The following FRAS1 variants were observed in gnomAD, a reference collection of about 807,000 sequenced individuals.
FRAS1 encodes Fraser extracellular matrix complex subunit 1, also known as extracellular matrix organizing protein FRAS1.
Under a neutral mutation model 435.2 loss-of-function variants are expected in FRAS1, and 290 were observed. The ratio of observed to expected loss-of-function variants is 0.67; its 90% CI spans 0.61 to 0.73. The LOEUF (loss-of-function observed/expected upper bound fraction) is 0.73. FRAS1 is among the 30% of genes least tolerant of loss of function. The pLI, the probability that FRAS1 is intolerant of heterozygous loss-of-function variation, is 0.00. For synonymous variants in FRAS1, 1,800 were observed against 1,851.0 expected (o/e 0.97, Z 0.71); for missense variants, 4,860 against 5,001.5 (o/e 0.97, Z 0.85).
chr4:78,245,436 G>T, intron 4 of FRAS1, 111 bp downstream of exon 4: 2 of 767,582 alleles, frequency 2.6e-6, no homozygotes. Flanking sequence ...CTGGATTGTG[G>T]AGGATCTGAA....
intron 13 of FRAS1, among the ~76,000 whole-genome samples, chr4:78,285,928 T>C (rs1416393520): frequency 6.6e-6 from 1 of 152,246 alleles, no homozygotes; most frequent in Non-Finnish European, 1.5e-5. Context: ...CTAATTCATA[T>C]AATCTTCAAC....
chr4:78,307,149 TG>T (rs773619647), intron 14 of FRAS1, among the ~76,000 whole-genome samples: 2 of 152,142 alleles, frequency 1.3e-5, no homozygotes, highest in Non-Finnish European at 1.5e-5. Flanking sequence ...CTGCCCCTGC[TG>T]GGGGGTGCCT....
chr4:78,213,150 C>G (rs1230073008), intron 2 of FRAS1, among the ~76,000 whole-genome samples: 1 of 152,176 alleles, frequency 6.6e-6, no homozygotes, highest in Non-Finnish European at 1.5e-5. Flanking sequence ...GTATTTCCAT[C>G]CTGAAGGGAG....
At position 78,483,390 on chromosome 4, in the gene FRAS1, T is replaced by C. The variant is rs1720070971; in HGVS notation, c.8752+855T>C. Among the ~76,000 whole-genome samples, 4 of 152,184 alleles carry C rather than the reference T, an allele frequency of 2.6e-5. No homozygotes were observed. In the South Asian group the frequency reaches 8.3e-4, roughly 32 times the overall value. ...CTCAGAAGAATTGACGAAATTAGAA[T>C]TGTCAGAACTTCAGAATCCACTGTT... is the stretch of plus-strand genomic sequence containing the variant. On this transcript the variant is annotated intron_variant, in intron 58 of 73. Coordinates refer to ENST00000512123, the MANE Select transcript of FRAS1 (RefSeq NM_025074.7).
chr4:78,085,584 C>T (rs1171057288), intron 2 of FRAS1, among the ~76,000 whole-genome samples: 1 of 152,058 alleles, frequency 6.6e-6, no homozygotes, highest in Non-Finnish European at 1.5e-5. Flanking sequence ...GACTCTCAGA[C>T]ATGAGACGAA....
chr4:78,255,901 A>C (rs1209220953), intron 6 of FRAS1, among the ~76,000 whole-genome samples: 1 of 152,082 alleles, frequency 6.6e-6, no homozygotes, highest in African/African-American at 2.4e-5. Context: ...AAAACATTAG[A>C]CTCTTCACAC....
intron 32 of FRAS1, among the ~76,000 whole-genome samples, chr4:78,415,737 C>T (rs1349543270): frequency 6.6e-6 from 1 of 152,148 alleles, no homozygotes; most frequent in African/African-American, 2.4e-5. Context: ...ATAAGAATTT[C>T]CATTTTGTCC....
intron 47 of FRAS1, among the ~76,000 whole-genome samples, chr4:78,463,800 A>G (rs907595480): frequency 1.3e-5 from 2 of 152,218 alleles, no homozygotes; most frequent in African/African-American, 4.8e-5. Flanking sequence ...GGCTTTGCGC[A>G]TAGAAGCCAC....
chr4:78,089,863 T>C (rs1466898981), intron 2 of FRAS1, among the ~76,000 whole-genome samples: 1 of 121,578 alleles, frequency 8.2e-6, no homozygotes, highest in Non-Finnish European at 1.8e-5. Context: ...ACCCAGGTAC[T>C]AAACCTAGTA....
chr4:78,077,861 C>T (rs1451533115), intron 2 of FRAS1, among the ~76,000 whole-genome samples: 1 of 149,982 alleles, frequency 6.7e-6, no homozygotes, highest in Non-Finnish European at 1.5e-5. Flanking sequence ...AGAAAATGGC[C>T]ATGTTGCTTT....
chr4:78,303,070 A>G (rs1409723741), intron 14 of FRAS1, among the ~76,000 whole-genome samples: 1 of 152,082 alleles, frequency 6.6e-6, no homozygotes, highest in African/African-American at 2.4e-5. Flanking sequence ...TCAGCTTTCT[A>G]CATATGGCTA....
chr4:78,295,613 T>TTTTGTTATC (rs1356783113), intron 14 of FRAS1, among the ~76,000 whole-genome samples: 2 of 152,222 alleles, frequency 1.3e-5, no homozygotes, highest in Non-Finnish European at 2.9e-5. Context: ...TGTCTATTCC[T>TTTTGTTATC]TTTGTTATCA....
chr4:78,133,581 A>T (rs1471872632), intron 2 of FRAS1, among the ~76,000 whole-genome samples: 1 of 152,232 alleles, frequency 6.6e-6, no homozygotes, highest in Non-Finnish European at 1.5e-5. Context: ...CCCATTTTCC[A>T]TGCTGTGATT....
intron 3 of FRAS1, among the ~76,000 whole-genome samples, chr4:78,239,290 A>C (rs1408535136): frequency 6.6e-6 from 1 of 151,818 alleles, no homozygotes; most frequent in Non-Finnish European, 1.5e-5. Context: ...TTGACTCCCC[A>C]CTTTCTCCCA....
intron 60 of FRAS1, among the ~76,000 whole-genome samples, chr4:78,497,391 T>TAA (rs5859628): frequency 2.7e-5 from 4 of 146,144 alleles, no homozygotes; most frequent in African/African-American, 5.1e-5. Flanking sequence ...CCTACTAACC[T>TAA]AAAAAAAAAA....
At chr4:78,135,173 G>A (rs1052660948) in intron 2 of FRAS1, among the ~76,000 whole-genome samples, 5 of 152,176 alleles carry the variant, frequency 3.3e-5, no homozygotes, top group Admixed American at 2.6e-4. Flanking sequence ...GATTGACCTT[G>A]CTGATGCCTT....
intron 2 of FRAS1, among the ~76,000 whole-genome samples, chr4:78,073,319 T>C (rs1456034156): frequency 6.6e-6 from 1 of 152,180 alleles, no homozygotes; most frequent in Non-Finnish European, 1.5e-5. Context: ...ATTTGTGTGG[T>C]AGGAACAGAT....
chr4:78,455,541 G>A (rs564932577), intron 47 of FRAS1, among the ~76,000 whole-genome samples: 11 of 152,236 alleles, frequency 7.2e-5, no homozygotes, highest in African/African-American at 2.4e-4. Context: ...ATGAATCACT[G>A]GTGCTGCAGA....
chr4:78,297,506 G>T (rs62309861), intron 14 of FRAS1, among the ~76,000 whole-genome samples: 44,418 of 152,068 alleles, frequency 0.29, 7,473 homozygotes, highest in East Asian at 0.38. Flanking sequence ...AATACAAAAA[G>T]ATGTGTGTTA....
Sources: gnomAD v4.1 joint callset for allele counts (sites outside exome capture counted in the v4.1 genomes callset) on GRCh38, gnomAD v4.1.1 for gene constraint, MANE v1.5 for transcripts, NCBI Gene and HGNC (gene_info 2026-07-23, HGNC 2026-07-21) for gene names.